The following PDE7B variants were observed in gnomAD, a reference collection of about 807,000 sequenced individuals.
PDE7B encodes 3',5'-cyclic-AMP phosphodiesterase 7B.
Under a neutral mutation model 56.2 loss-of-function variants are expected in PDE7B, and 29 were observed. That is an observed-to-expected ratio of 0.52 (90% confidence interval 0.38 to 0.70). The LOEUF (loss-of-function observed/expected upper bound fraction) is 0.70, where lower values mean the gene tolerates loss of function less well. Among genes scored for constraint, PDE7B ranks in the 30% least tolerant of loss-of-function variants. The pLI is 0.00. For missense variants in PDE7B, 490 were observed against 565.0 expected (o/e 0.87, Z 1.35); for synonymous variants, 197 against 196.9 (o/e 1.00, Z 0.00).
At chr6:136,005,990 T>C (rs1290657942) in intron 2 of PDE7B, among the ~76,000 whole-genome samples, 2 of 151,234 alleles carry the variant, frequency 1.3e-5, no homozygotes, top group Non-Finnish European at 3.0e-5. Flanking sequence ...ATTAAGAAAA[T>C]GTGGCACATA....
At chr6:136,136,251 C>G (rs1043378897) in intron 3 of PDE7B, among the ~76,000 whole-genome samples, 1 of 151,976 alleles carries the variant, frequency 6.6e-6, no homozygotes, top group African/African-American at 2.4e-5. Context: ...AGAATTTCAC[C>G]CTGCTTTCTC....
At chr6:135,973,984 C>A (rs879567445) in intron 2 of PDE7B, among the ~76,000 whole-genome samples, 55 of 152,112 alleles carry the variant, frequency 3.6e-4, no homozygotes, top group Non-Finnish European at 1.8e-4. Context: ...GTCCTCTGTT[C>A]CTCTGCTGAT....
At chr6:135,918,503 C>G (rs894757499) in intron 1 of PDE7B, among the ~76,000 whole-genome samples, 1 of 152,108 alleles carries the variant, frequency 6.6e-6, no homozygotes, top group Non-Finnish European at 1.5e-5. Context: ...TCTCTGAAAC[C>G]AGAATTCCAG....
At chr6:135,935,613 C>G (rs1038009465) in intron 1 of PDE7B, among the ~76,000 whole-genome samples, 21 of 152,064 alleles carry the variant, frequency 1.4e-4, no homozygotes, top group Non-Finnish European at 2.2e-4. Context: ...ATACAGAAAG[C>G]CTCTACCTTC....
At chr6:136,155,301 CCT>C (rs1343085262) in intron 7 of PDE7B, among the ~76,000 whole-genome samples, 3 of 152,146 alleles carry the variant, frequency 2.0e-5, no homozygotes, top group African/African-American at 7.2e-5. Context: ...GATTTCAGGC[CCT>C]GTCTTCTACC....
At chr6:136,008,034 C>G (rs888116966) in intron 2 of PDE7B, among the ~76,000 whole-genome samples, 1 of 146,824 alleles carries the variant, frequency 6.8e-6, no homozygotes, top group African/African-American at 2.5e-5. Flanking sequence ...CTTCCTGTGT[C>G]CATGTGTTCT....
At chr6:136,038,012 G>C in intron 2 of PDE7B, 1 of 1,300,638 alleles carries the variant, frequency 7.7e-7, no homozygotes, top group Non-Finnish European at 1.0e-6. Context: ...TACAGTAACA[G>C]TTTCTCACCA....
chr6:136,098,839 A>G (rs549371316), intron 2 of PDE7B, among the ~76,000 whole-genome samples: 2 of 151,808 alleles, frequency 1.3e-5, no homozygotes, highest in East Asian at 1.9e-4. Flanking sequence ...GGTTTGTTAC[A>G]TAGTTATACA....
chr6:135,961,618 T>G (rs1349457351), intron 2 of PDE7B, among the ~76,000 whole-genome samples: 1 of 152,168 alleles, frequency 6.6e-6, no homozygotes, highest in African/African-American at 2.4e-5. Context: ...TTGATGAAGT[T>G]TGTTGCATAA....
intron 1 of PDE7B, among the ~76,000 whole-genome samples, chr6:135,883,904 G>A (rs1775655121): frequency 6.6e-6 from 1 of 152,200 alleles, no homozygotes; most frequent in Non-Finnish European, 1.5e-5. Flanking sequence ...GCCTTGCTGG[G>A]TTAAATGGAC....
At chr6:135,998,791 AC>A (rs2128205914) in intron 2 of PDE7B, among the ~76,000 whole-genome samples, 1 of 150,900 alleles carries the variant, frequency 6.6e-6, no homozygotes, top group African/African-American at 2.4e-5. Context: ...CAAAAAAAAA[AC>A]ACTCCTTAAA....
chr6:135,877,505 G>A (rs1249203006), intron 1 of PDE7B, among the ~76,000 whole-genome samples: 2 of 151,720 alleles, frequency 1.3e-5, no homozygotes, highest in African/African-American at 4.8e-5. Context: ...TCACTTCCCT[G>A]GAATGATGAC....
chr6:135,935,200 A>ATATTTTTT (rs1554268043), intron 1 of PDE7B, among the ~76,000 whole-genome samples: 1 of 86,040 alleles, frequency 1.2e-5, no homozygotes, highest in African/African-American at 5.1e-5. Context: ...TTATATATAT[A>ATATTTTTT]TATATATATA....
At chr6:136,133,027 CCACATATAAAAAA>C (rs1562501048) in intron 3 of PDE7B, among the ~76,000 whole-genome samples, 1 of 152,020 alleles carries the variant, frequency 6.6e-6, no homozygotes, top group Non-Finnish European at 1.5e-5. Flanking sequence ...TATATTCCAA[CCACATATAAAAAA>C]CACATAATTA....
chr6:135,934,868 T>G, intron 1 of PDE7B, among the ~76,000 whole-genome samples: 1 of 107,148 alleles, frequency 9.3e-6, no homozygotes, highest in Admixed American at 1.2e-4. Context: ...TATATAAAAA[T>G]ATATATAAAT....
intron 1 of PDE7B, among the ~76,000 whole-genome samples, chr6:135,900,763 G>T (rs1465420252): frequency 6.6e-6 from 1 of 151,810 alleles, no homozygotes; most frequent in Non-Finnish European, 1.5e-5. Context: ...ATATAGGATA[G>T]ACTGACATAC....
At chr6:135,975,658 T>C (rs1012020534) in intron 2 of PDE7B, among the ~76,000 whole-genome samples, 4 of 150,514 alleles carry the variant, frequency 2.7e-5, no homozygotes, top group African/African-American at 1.0e-4. Flanking sequence ...TTTTCAATGT[T>C]CTGGGCTTAA....
chr6:135,856,138 C>G (rs1424509049), intron 1 of PDE7B, among the ~76,000 whole-genome samples: 1 of 152,100 alleles, frequency 6.6e-6, no homozygotes, highest in Admixed American at 6.6e-5. Context: ...ATTTTACCTC[C>G]AAGATAATCT....
intron 2 of PDE7B, among the ~76,000 whole-genome samples, chr6:135,994,751 C>T (rs1041788264): frequency 8.5e-5 from 13 of 152,162 alleles, no homozygotes; most frequent in Non-Finnish European, 1.6e-4. Context: ...AATAAGATAG[C>T]AACTCCTCAT....
Sources: gnomAD v4.1 joint callset for allele counts (sites outside exome capture counted in the v4.1 genomes callset) on GRCh38, gnomAD v4.1.1 for gene constraint, MANE v1.5 for transcripts, NCBI Gene and HGNC (gene_info 2026-07-23, HGNC 2026-07-21) for gene names.